The following ATP2B1 variants were observed in gnomAD, a reference collection of about 807,000 sequenced individuals.
The protein encoded by ATP2B1 is plasma membrane calcium-transporting ATPase 1.
Under a neutral mutation model 124.2 loss-of-function variants are expected in ATP2B1, and 14 were observed. The observed-to-expected ratio is 0.11, with a 90% CI of 0.07 to 0.18. The LOEUF (loss-of-function observed/expected upper bound fraction) is 0.18. Ranked by LOEUF, ATP2B1 falls within the 10% of genes least tolerant of loss-of-function variation. The pLI is 1.00. For synonymous variants in ATP2B1, 449 were observed against 492.4 expected (o/e 0.91, Z 1.17); for missense variants, 763 against 1,466.1 (o/e 0.52, Z 7.83).
intron 20 of ATP2B1, chr12:89,593,967 C>A (rs188200269): frequency 1.3e-5 from 2 of 151,914 alleles, no homozygotes; most frequent in African/African-American, 4.8e-5. Flanking sequence ...CAAAAACATA[C>A]GATCATTTAC....
chr12:89,672,560 C>T (rs1339004486), intron 1 of ATP2B1, among the ~76,000 whole-genome samples: 7 of 152,160 alleles, frequency 4.6e-5, no homozygotes, highest in African/African-American at 9.7e-5. Context: ...CTGCCTATCG[C>T]GCGAAATCCT....
chr12:89,616,190 T>C (rs959230303), intron 12 of ATP2B1, among the ~76,000 whole-genome samples: 1 of 151,990 alleles, frequency 6.6e-6, no homozygotes, highest in Non-Finnish European at 1.5e-5. Context: ...TCTAGTACCT[T>C]AGGATAGTGC....
At chr12:89,690,705 CCTG>C (rs1890466048) in intron 1 of ATP2B1, among the ~76,000 whole-genome samples, 1 of 151,914 alleles carries the variant, frequency 6.6e-6, no homozygotes, top group African/African-American at 2.4e-5. Flanking sequence ...ACTATTTTCC[CCTG>C]CTATCACTGG....
chr12:89,643,269 T>C (rs1407134518), intron 2 of ATP2B1, among the ~76,000 whole-genome samples: 1 of 151,630 alleles, frequency 6.6e-6, no homozygotes, highest in East Asian at 1.9e-4. Context: ...TACACATATA[T>C]ATATATTTGG....
intron 1 of ATP2B1, among the ~76,000 whole-genome samples, chr12:89,672,698 C>T (rs898419870): frequency 1.3e-5 from 2 of 152,148 alleles, no homozygotes; most frequent in Non-Finnish European, 2.9e-5. Context: ...CACCCAACCA[C>T]TATCTCCACA....
intron 3 of ATP2B1, among the ~76,000 whole-genome samples, chr12:89,640,961 T>A (rs1883407766): frequency 6.6e-6 from 1 of 152,186 alleles, no homozygotes; most frequent in African/African-American, 2.4e-5. Context: ...CAGGTATTCT[T>A]ATACAGCAAT....
At chr12:89,678,788 C>T (rs573274608) in intron 1 of ATP2B1, among the ~76,000 whole-genome samples, 1 of 152,222 alleles carries the variant, frequency 6.6e-6, no homozygotes, top group South Asian at 2.1e-4. Context: ...TCTGGAGGGC[C>T]ATTTGCAACT....
At chr12:89,605,342 G>GTTA (rs1876622655) in intron 15 of ATP2B1, among the ~76,000 whole-genome samples, 1 of 152,290 alleles carries the variant, frequency 6.6e-6, no homozygotes, top group South Asian at 2.1e-4. Context: ...AAACTCAGAG[G>GTTA]TGATATGATG....
At chr12:89,706,921 T>C (rs1892521054) in intron 1 of ATP2B1, among the ~76,000 whole-genome samples, 1 of 152,166 alleles carries the variant, frequency 6.6e-6, no homozygotes, top group Non-Finnish European at 1.5e-5. Flanking sequence ...TACAGCAATT[T>C]AGCTGTCTTA....
At position 89,665,124 on chromosome 12, in the gene ATP2B1, C is replaced by T. The variant is rs139320126; in HGVS notation, c.-221-9017G>A. On this transcript the variant is annotated intron_variant, in intron 1 of 20. Coordinates refer to ENST00000428670, the MANE Select transcript of ATP2B1 (RefSeq NM_001366521.1). ...GAGTACAGGCGTGAGCCACCACACCCGGCCTATTATGCTATTCTTGATGTG... is the reference window on the plus strand; with the variant it reads ...GAGTACAGGCGTGAGCCACCACACCTGGCCTATTATGCTATTCTTGATGTG... 2.3e-3 allele frequency among the ~76,000 whole-genome samples: 348 copies of T among 152,250 alleles called. 1 individual carries two copies. The highest frequency in any genetic ancestry group is 7.7e-3 in the African/African-American group (321 of 41,552).
At chr12:89,673,463 A>T (rs1382608087) in intron 1 of ATP2B1, among the ~76,000 whole-genome samples, 5 of 152,070 alleles carry the variant, frequency 3.3e-5, no homozygotes, top group Non-Finnish European at 7.4e-5. Context: ...TTTCTTCCCA[A>T]CTTATCACAT....
intron 1 of ATP2B1, among the ~76,000 whole-genome samples, chr12:89,700,602 G>C (rs1437356521): frequency 1.3e-5 from 2 of 152,188 alleles, no homozygotes; most frequent in Non-Finnish European, 2.9e-5. Flanking sequence ...TATCATCCAT[G>C]AGTGTCCCAG....
At chr12:89,635,938 A>T (rs1412298235) in intron 3 of ATP2B1, among the ~76,000 whole-genome samples, 1 of 152,196 alleles carries the variant, frequency 6.6e-6, no homozygotes, top group African/African-American at 2.4e-5. Context: ...TGGAATCCAT[A>T]CTCAGACTGG....
At chr12:89,678,197 T>A (rs1047968103) in intron 1 of ATP2B1, among the ~76,000 whole-genome samples, 1 of 151,966 alleles carries the variant, frequency 6.6e-6, no homozygotes, top group Admixed American at 6.6e-5. Flanking sequence ...CTGCCTTTCT[T>A]TTCCCTAAAA....
At chr12:89,640,249 T>C (rs1883300419) in intron 3 of ATP2B1, among the ~76,000 whole-genome samples, 1 of 152,174 alleles carries the variant, frequency 6.6e-6, no homozygotes, top group African/African-American at 2.4e-5. Flanking sequence ...GTAAAATAGG[T>C]ACTACTTATT....
At chr12:89,648,789 A>G (rs1353460673) in intron 2 of ATP2B1, among the ~76,000 whole-genome samples, 1 of 152,240 alleles carries the variant, frequency 6.6e-6, no homozygotes, top group African/African-American at 2.4e-5. Flanking sequence ...GCCTAGGCGG[A>G]AAGAATGCTT....
At chr12:89,608,000 A>C (rs1056793076) in intron 15 of ATP2B1, among the ~76,000 whole-genome samples, 1 of 152,130 alleles carries the variant, frequency 6.6e-6, no homozygotes, top group Admixed American at 6.5e-5. Flanking sequence ...TACATTTAGA[A>C]AGAAATTATC....
chr12:89,634,436 A>G (rs529830315), intron 5 of ATP2B1, among the ~76,000 whole-genome samples: 24 of 152,310 alleles, frequency 1.6e-4, no homozygotes, highest in African/African-American at 3.8e-4. Flanking sequence ...ATACTTCAAT[A>G]GGCATTAAAA....
At position 89,603,204 on chromosome 12, in the gene ATP2B1, G is replaced by A. The variant is rs778675473; in HGVS notation, c.2899C>T (p.Pro967Ser). 9.9e-6 allele frequency: 16 copies of A among 1,612,830 alleles called. No homozygotes were observed. Among genetic ancestry groups the A allele is most frequent in the South Asian group, 7.7e-5 (7 of 90,964 alleles). Residue 967 changes from proline (P) to serine (S), a missense_variant, in exon 18 of 21, where the codon CCT (proline) becomes TCT (serine). By Grantham distance (74) the Pro-to-Ser change is moderately conservative. Transcript: ENST00000428670. The surrounding 1 kb of genome is among the most constrained non-coding windows in gnomAD (Gnocchi z 4.3). ...DSGRNAPLHAPPSEHYTIVFN... is the reference protein window; with the variant it reads ...DSGRNAPLHASPSEHYTIVFN... ...ACAATAGTATAATGTTCTGAAGGAG[G>A]AGCATGCAAAGGAGCATTTCTTCCA...
Sources: allele counts gnomAD v4.1 joint callset (sites outside exome capture counted in the v4.1 genomes callset), GRCh38; gene constraint gnomAD v4.1.1; non-coding constraint Gnocchi (gnomAD v3.1); transcripts MANE v1.5; gene names NCBI Gene and HGNC (gene_info 2026-07-23, HGNC 2026-07-21).